PLPP3: variants seen among roughly 807,000 people sequenced by gnomAD.
The protein encoded by PLPP3 is PAP2 beta.
A neutral mutation model predicts 29.6 loss-of-function variants in PLPP3; 6 were observed. The observed-to-expected ratio is 0.20, with a 90% confidence interval of 0.11 to 0.40. The LOEUF (loss-of-function observed/expected upper bound fraction) is 0.40. Among genes scored for constraint, PLPP3 ranks in the 10% least tolerant of loss-of-function variants. The probability of loss-of-function intolerance (pLI) is 1.00; values close to 1 mark genes in which losing one functional copy is unlikely to be tolerated. For missense variants in PLPP3, 308 were observed against 407.7 expected, an observed-to-expected ratio of 0.76 and a Z score of 2.11; for synonymous variants, 152 against 159.7, an observed-to-expected ratio of 0.95 and a Z score of 0.36.
intron 4 of PLPP3, 49 bp downstream of exon 4, chr1:56,523,774 G>A: frequency 6.4e-7 from 1 of 1,558,228 alleles, no homozygotes; most frequent in African/African-American, 1.4e-5. Context: ...TATCAGAAGG[G>A]ATCGAAGCTG....
intron 5 of PLPP3, among the ~76,000 whole-genome samples, chr1:56,504,762 T>C (rs1645691869): frequency 6.6e-6 from 1 of 152,208 alleles, no homozygotes; most frequent in Non-Finnish European, 1.5e-5. Context: ...CTAAAAATTC[T>C]TTCTAGTCTT....
chr1:56,508,933 C>T (rs191802060), intron 5 of PLPP3, among the ~76,000 whole-genome samples: 110 of 152,288 alleles, frequency 7.2e-4, no homozygotes, highest in African/African-American at 2.3e-3. Context: ...TGGGAGCTTA[C>T]GGCTGGAAAA....
chr1:56,528,868 C>T (rs1645869415), intron 2 of PLPP3, among the ~76,000 whole-genome samples: 1 of 149,354 alleles, frequency 6.7e-6, no homozygotes, highest in African/African-American at 2.5e-5. Flanking sequence ...AAGACAGAAG[C>T]AAAGTCTAAA....
chr1:56,555,433 T>TAAAAAAAAAAAAAAAACAAAAA (rs1646068442), intron 1 of PLPP3, among the ~76,000 whole-genome samples: 1 of 33,216 alleles, frequency 3.0e-5, no homozygotes, highest in Non-Finnish European at 5.4e-5. Flanking sequence ...GGCCAAACAC[T>TAAAAAAAAAAAAAAAACAAAAA]AAAAAAAAAA....
chr1:56,577,986 G>T (rs1321099776), intron 1 of PLPP3, among the ~76,000 whole-genome samples: 2 of 151,116 alleles, frequency 1.3e-5, no homozygotes, highest in Non-Finnish European at 2.9e-5. Context: ...CTTGTGAAGC[G>T]CTTTCTCCCT....
chr1:56,546,869 G>T (rs779617759), intron 1 of PLPP3, among the ~76,000 whole-genome samples: 2 of 152,198 alleles, frequency 1.3e-5, no homozygotes, highest in Non-Finnish European at 2.9e-5. Flanking sequence ...CTCTCTATGT[G>T]ATACTAAATG....
intron 5 of PLPP3, among the ~76,000 whole-genome samples, chr1:56,497,904 C>T (rs1388924103): frequency 6.6e-6 from 1 of 152,122 alleles, no homozygotes; most frequent in Non-Finnish European, 1.5e-5. Flanking sequence ...TGCTCGTTAC[C>T]TCAAGAGAAG....
rs1646085318 is a variant in PLPP3 at position 56,557,026 on chromosome 1, A to AGAGAAAGAAAGAGAG, written c.140-19915_140-19914insCTCTCTTTCTTTCTC. 4.2e-4 allele frequency among the ~76,000 whole-genome samples: 4 copies of AGAGAAAGAAAGAGAG among 9,530 alleles called. 1 individual carries two copies. In the East Asian group the frequency reaches 7.8e-3, roughly 19 times the overall value. The allele number at this position is 9,530 out of a possible 152,430, so 6.3% of individuals were successfully genotyped here. ...AGAAAGAAAGAGAGAGAGAGAGAGA[A>AGAGAAAGAAAGAGAG]AGAGAGAGAGAGAGAGAGAGAGAGA... On this transcript the variant is annotated intron_variant, in intron 1 of 5. Transcript: ENST00000371250.
At chr1:56,500,995 C>A (rs1645663595) in intron 5 of PLPP3, among the ~76,000 whole-genome samples, 1 of 113,996 alleles carries the variant, frequency 8.8e-6, no homozygotes, top group East Asian at 2.7e-4. Flanking sequence ...GACAGCGAGA[C>A]TCTGTCTCAG....
Position 56,520,910 on chromosome 1 carries a change from CAAAAAAAAAAAA to C in PLPP3, c.633+2901_633+2912del, listed in dbSNP as rs1169318077. Among the ~76,000 whole-genome samples, 26 of 61,912 alleles carry C rather than the reference CAAAAAAAAAAAA, an allele frequency of 4.2e-4. No homozygotes were observed. In the South Asian group the frequency reaches 0.012, roughly 28 times the overall value. The allele number at this position is 61,912 out of a possible 152,430, so 40.6% of individuals were successfully genotyped here. A position where few individuals can be genotyped will look rare whatever the true frequency, so the allele number is the denominator to read the frequency against. ...TGTGCAACAGAGCGAGACTCCATCT[CAAAAAAAAAAAA>C]AAAAAAAAAAAAAGAAACTTTTGCA... On this transcript the variant is annotated intron_variant, in intron 4 of 5. Transcript: ENST00000371250.
At chr1:56,574,998 T>C (rs1392399264) in intron 1 of PLPP3, among the ~76,000 whole-genome samples, 1 of 152,214 alleles carries the variant, frequency 6.6e-6, no homozygotes, top group Non-Finnish European at 1.5e-5. Context: ...GCAGTGGCAG[T>C]ACAAGACTAT....
At chr1:56,571,403 G>A (rs1206752656) in intron 1 of PLPP3, among the ~76,000 whole-genome samples, 1 of 152,084 alleles carries the variant, frequency 6.6e-6, no homozygotes, top group African/African-American at 2.4e-5. Flanking sequence ...AGCTTCTATG[G>A]CCAATAATAG....
chr1:56,529,290 A>G (rs1432216828), intron 2 of PLPP3, among the ~76,000 whole-genome samples: 2 of 152,104 alleles, frequency 1.3e-5, no homozygotes, highest in Non-Finnish European at 2.9e-5. Context: ...GCTGTTCCCA[A>G]TGGCATCGAG....
chr1:56,542,607 C>A (rs1018861014), intron 1 of PLPP3, among the ~76,000 whole-genome samples: 1 of 152,056 alleles, frequency 6.6e-6, no homozygotes, highest in Non-Finnish European at 1.5e-5. Flanking sequence ...CCAGGATCTG[C>A]GAGAATAATA....
At chr1:56,533,527 T>G (rs941835204) in intron 2 of PLPP3, among the ~76,000 whole-genome samples, 2 of 152,168 alleles carry the variant, frequency 1.3e-5, no homozygotes, top group African/African-American at 2.4e-5. Context: ...GCCATGCCAC[T>G]ACTTAGTTAT....
intron 1 of PLPP3, among the ~76,000 whole-genome samples, chr1:56,568,948 CCT>C (rs1350175144): frequency 6.6e-6 from 1 of 151,510 alleles, no homozygotes; most frequent in Non-Finnish European, 1.5e-5. Context: ...CTTATCCAGC[CCT>C]CTCTGCTCCC....
intron 1 of PLPP3, among the ~76,000 whole-genome samples, chr1:56,555,697 C>T (rs978780470): frequency 6.6e-6 from 1 of 152,056 alleles, no homozygotes; most frequent in African/African-American, 2.4e-5. Flanking sequence ...TTTGTAGAAA[C>T]AAGGTCTTGC....
At chr1:56,538,537 C>T (rs558334283) in intron 1 of PLPP3, 3 of 391,564 alleles carry the variant, frequency 7.7e-6, no homozygotes, top group Admixed American at 2.5e-5. Flanking sequence ...TATTTGGCCA[C>T]GTATATGAGA....
intron 2 of PLPP3, among the ~76,000 whole-genome samples, chr1:56,531,068 T>G (rs146467965): frequency 3.9e-5 from 6 of 152,258 alleles, no homozygotes; most frequent in South Asian, 2.1e-4. Context: ...AAAATGAAGA[T>G]GATGACAGTA....
Sources: allele counts gnomAD v4.1 joint callset (sites outside exome capture counted in the v4.1 genomes callset), GRCh38; gene constraint gnomAD v4.1.1; transcripts MANE v1.5; gene names NCBI Gene and HGNC (gene_info 2026-07-23, HGNC 2026-07-21).